Variants in RNF19A observed in about 807,000 individuals in gnomAD.
RNF19A encodes the protein E3 ubiquitin-protein ligase RNF19A.
In RNF19A, 32 loss-of-function variants were observed where a neutral mutation model predicts 75.7. The observed-to-expected ratio is 0.42, with a 90% CI of 0.32 to 0.57. RNF19A has a LOEUF of 0.57. Among genes scored for constraint, RNF19A ranks in the 20% least tolerant of loss-of-function variants. The pLI is 0.10. For missense variants in RNF19A, 782 were observed against 1,036.3 expected (o/e 0.75, Z 3.37); for synonymous variants, 335 against 345.2 (o/e 0.97, Z 0.33).
intron 1 of RNF19A, among the ~76,000 whole-genome samples, chr8:100,299,487 C>T (rs1398624783): frequency 3.3e-5 from 5 of 152,254 alleles, no homozygotes; most frequent in East Asian, 3.9e-4. Flanking sequence ...GGACCGGGTG[C>T]GGTGGCTCAC....
intron 3 of RNF19A, 31 bp from the exon 4 acceptor site, chr8:100,270,044 A>G: frequency 6.7e-7 from 1 of 1,483,592 alleles, no homozygotes; most frequent in Non-Finnish European, 9.0e-7. Context: ...TCTATTAAGT[A>G]CATAAAACTG....
chr8:100,334,468 T>C (rs1303050928), intron 1 of RNF19A, among the ~76,000 whole-genome samples: 1 of 152,234 alleles, frequency 6.6e-6, no homozygotes, highest in African/African-American at 2.4e-5. Context: ...TTCTGAGTAG[T>C]GCTCAGTAGC....
In RNF19A at chr8:100,260,091, C is replaced by T; in HGVS notation, c.1683-94G>A. On this transcript the variant is annotated intron_variant, in intron 8 of 9. Transcript: ENST00000341084. The surrounding 1 kb of genome is among the most constrained non-coding windows in gnomAD (Gnocchi z 4.1). ...ATAATTCAGTTAAGAACCCTAGTAA[C>T]CAGAAGCTATTTTAGGAACCATTAT... 1 of 1,099,878 alleles carries T rather than the reference C, an allele frequency of 9.1e-7. No individual in the cohort carries two copies. Among genetic ancestry groups the T allele is most frequent in the Non-Finnish European group, 1.3e-6 (1 of 746,020 alleles). 68.1% of individuals were successfully genotyped at this position (1,099,878 alleles called of 1,614,324 possible).
intron 3 of RNF19A, among the ~76,000 whole-genome samples, chr8:100,270,560 T>C (rs1820207619): frequency 6.6e-6 from 1 of 152,080 alleles, no homozygotes; most frequent in Admixed American, 6.6e-5. Context: ...GCAAAACAGG[T>C]ATCTTTAGAA....
chr8:100,295,750 T>C (rs1005261896), intron 1 of RNF19A, among the ~76,000 whole-genome samples: 1 of 152,208 alleles, frequency 6.6e-6, no homozygotes, highest in Non-Finnish European at 1.5e-5. Flanking sequence ...AGAAATGATG[T>C]ATTTCTACCC....
upstream of RNF19A, chr8:100,310,228 T>C: frequency 3.0e-6 from 3 of 985,150 alleles, no homozygotes; most frequent in Non-Finnish European, 3.6e-6. Context: ...CCGGGCCCGC[T>C]GCGGGCGGCT....
intron 5 of RNF19A, 78 bp downstream of exon 5, chr8:100,268,707 C>T: frequency 1.4e-6 from 1 of 734,042 alleles, no homozygotes; most frequent in Non-Finnish European, 1.8e-6. Context: ...AAAAAAAACC[C>T]AAAAATCATC....
chr8:100,331,811 T>C lies in RNF19A; in HGVS notation c.-243+4297A>G, dbSNP rs1271208781. Among the ~76,000 whole-genome samples the C allele has an allele frequency of 1.3e-5, 2 of 152,168 alleles. No individual in the cohort carries two copies. The highest frequency in any genetic ancestry group is 4.8e-5 in the African/African-American group (2 of 41,422). On this transcript the variant is annotated intron_variant, in intron 1 of 3. Coordinates refer to the RNF19A transcript ENST00000519527. The surrounding 1 kb of genome is among the most constrained non-coding windows in gnomAD (Gnocchi z 5.2). ...AAAAGCAAGTCTGTGCACATACAAA[T>C]AAATCTATATATATCCTCCCCAGCC...
chr8:100,259,905 C>T lies in RNF19A; in HGVS notation c.1775G>A (p.Ser592Asn). ...VSLGTVSDNA[S>N]TKAMAGSILN... ...AATGGATCCTGCCATTGCTTTGGTG[C>T]TGGCATTATCACTAACTGTTCCCAA... Residue 592 changes from serine to asparagine, a missense_variant, in exon 9 of 10, where the codon AGC (serine) becomes AAC (asparagine). Physicochemically the swap from Ser to Asn is conservative, Grantham distance 46. This residue lies in a region of RNF19A where 442 missense variants were observed against 541.6 expected (regional missense o/e 0.82). Coordinates refer to ENST00000341084, the MANE Select transcript of RNF19A (RefSeq NM_183419.4). The surrounding 1 kb of genome is among the most constrained non-coding windows in gnomAD (Gnocchi z 4.5). 6.2e-7 allele frequency: 1 copy of T among 1,613,766 alleles called. No individual in the cohort carries two copies. Among genetic ancestry groups the T allele is most frequent in the Non-Finnish European group, 8.5e-7 (1 of 1,179,700 alleles).
rs144888632 is a variant in RNF19A at position 100,288,138 on chromosome 8, T to G, written c.37A>C (p.Asn13His). 95 of 1,611,892 alleles carry G rather than the reference T, an allele frequency of 5.9e-5. 1 individual carries two copies. Among genetic ancestry groups the G allele is most frequent in the Non-Finnish European group, 7.5e-5 (88 of 1,179,074 alleles). The change falls in exon 2 of 10, where the codon AAT becomes CAT. Residue 13 changes from asparagine to histidine, a missense_variant. Asn to His is a moderately conservative substitution (Grantham distance 68, BLOSUM62 1). Coordinates refer to ENST00000341084, the MANE Select transcript of RNF19A (RefSeq NM_183419.4). ...TCAGTGTTTACACACAGCCCTTCAT[T>G]ATATTTAGAGATAAAACCTATTTCT... ...EQEIGFISKY[N>H]EGLCVNTDPV... is the part of the protein sequence containing the mutation.
rs1822527590 is a variant in RNF19A at position 100,325,896 on chromosome 8, C to A, written c.-243+10212G>T. Among the ~76,000 whole-genome samples, 2 of 152,158 alleles carry A rather than the reference C, an allele frequency of 1.3e-5. No homozygotes were observed. The highest frequency in any genetic ancestry group is 4.8e-5 in the African/African-American group (2 of 41,422). On this transcript the variant is annotated intron_variant, in intron 1 of 3. Transcript: ENST00000519527. The surrounding 1 kb of genome is among the most constrained non-coding windows in gnomAD (Gnocchi z 4.3). ...TTTTAAAATTTATTTAATTAACAAA[C>A]TGAGCTACTAGAGAAAACATATCAG...
At chr8:100,335,665 C>T (rs981539927) in intron 1 of RNF19A, among the ~76,000 whole-genome samples, 3 of 152,202 alleles carry the variant, frequency 2.0e-5, no homozygotes, top group African/African-American at 7.2e-5. Context: ...CTGTCATAGA[C>T]TTTATCTGGG....
rs900048142 is a variant in RNF19A, at chr8:100,264,772, T to C, written c.1205A>G (p.Tyr402Cys). The change falls in exon 6 of 10, where the codon TAT becomes TGT. Residue 402 changes from tyrosine to cysteine, a missense_variant. By Grantham distance (194) the Tyr-to-Cys change is radical. Transcript: ENST00000341084. This position sits in a 1 kb window ranked among gnomAD's most constrained non-coding sequence, Gnocchi z 4.7. Reference sequence around the variant, plus strand: ...GTGCTTTGAAACATCCTTGCCTTCATAGCGATTGTGAATCTTGAATTAATA... The same window carrying C: ...GTGCTTTGAAACATCCTTGCCTTCACAGCGATTGTGAATCTTGAATTAATA... ...VYVGRKIHNR[Y>C]EGKDVSKHKR... 5 of 1,612,440 alleles carry C rather than the reference T, an allele frequency of 3.1e-6. No individual in the cohort carries two copies. In the South Asian group the frequency reaches 3.3e-5, roughly 11 times the overall value.
Position 100,260,899 on chromosome 8 carries a change from T to C in RNF19A, c.1682+643A>G, listed in dbSNP as rs1202614967. 2.0e-5 allele frequency among the ~76,000 whole-genome samples: 3 copies of C among 152,178 alleles called. No homozygotes were observed. The highest frequency in any genetic ancestry group is 2.9e-5 in the Non-Finnish European group (2 of 68,022). ...TCCTGGATGTCCTGACTCCACCTGT[T>C]TCCCAGGACTCAGCCAAAGTCCCAT... On this transcript the variant is annotated intron_variant, in intron 8 of 9. Transcript: ENST00000341084. This position sits in a 1 kb window ranked among gnomAD's most constrained non-coding sequence, Gnocchi z 4.1.
At chr8:100,299,986 T>A (rs992306258) in intron 1 of RNF19A, among the ~76,000 whole-genome samples, 1 of 152,188 alleles carries the variant, frequency 6.6e-6, no homozygotes, top group Non-Finnish European at 1.5e-5. Flanking sequence ...TTGAATGATA[T>A]ATGTACATAG....
intron 1 of RNF19A, among the ~76,000 whole-genome samples, chr8:100,303,836 C>G (rs532943199): frequency 6.6e-6 from 1 of 150,954 alleles, no homozygotes; most frequent in East Asian, 1.9e-4. Context: ...TACTGGCAGG[C>G]TGAGGAATGA....
chr8:100,262,496 C>A (rs186799573), intron 7 of RNF19A, among the ~76,000 whole-genome samples: 1 of 152,042 alleles, frequency 6.6e-6, no homozygotes, highest in Non-Finnish European at 1.5e-5. Flanking sequence ...ATGCTTGGCA[C>A]CCTCAAAAAT....
Position 100,322,162 on chromosome 8 carries a change from C to T in RNF19A, c.-242-8790G>A, listed in dbSNP as rs996055589. On this transcript the variant is annotated intron_variant, in intron 1 of 3. Transcript: ENST00000519527. The surrounding 1 kb of genome is among the most constrained non-coding windows in gnomAD (Gnocchi z 5.1). ...GCTTTGAAGCCAAGCATTGACTTCT[C>T]CTCTCTATGAAGTCCAAATGGCATC... is the stretch of plus-strand genomic sequence containing the variant. Among the ~76,000 whole-genome samples, 9 of 152,188 alleles carry T rather than the reference C, an allele frequency of 5.9e-5. No homozygotes were observed. The highest frequency in any genetic ancestry group is 2.2e-4 in the African/African-American group (9 of 41,452).
chr8:100,282,510 TTATAA>T (rs147213781), intron 2 of RNF19A, among the ~76,000 whole-genome samples: 9,086 of 152,228 alleles, frequency 0.06, 893 homozygotes, highest in African/African-American at 0.2. Context: ...CTATTAACTC[TTATAA>T]TATGTTTATG....
Sources: gnomAD v4.1 joint callset for allele counts (sites outside exome capture counted in the v4.1 genomes callset) on GRCh38, gnomAD v4.1.1 for gene constraint, gnomAD v4.1.1 regional missense constraint, Gnocchi (gnomAD v3.1) non-coding constraint, MANE v1.5 for transcripts, NCBI Gene and HGNC (gene_info 2026-07-23, HGNC 2026-07-21) for gene names.